The following ZNF705G variants were observed in gnomAD, a reference collection of about 807,000 sequenced individuals.
ZNF705G encodes zinc finger protein 705G, also known as putative zinc finger protein 705G.
A neutral mutation model predicts 19.6 loss-of-function variants in ZNF705G; 23 were observed. The observed-to-expected ratio is 1.17, with a 90% CI of 0.84 to 1.66. ZNF705G has a LOEUF of 1.66. ZNF705G is among the 40% of genes most tolerant of loss of function. The probability of loss-of-function intolerance (pLI) is 0.00; values close to 1 mark genes in which losing one functional copy is unlikely to be tolerated. For missense variants in ZNF705G, 457 were observed against 354.4 expected, an observed-to-expected ratio of 1.29 and a Z score of -2.32; for synonymous variants, 146 against 117.7, an observed-to-expected ratio of 1.24 and a Z score of -1.56.
chr8:7,360,188 C>G, intron 5 of ZNF705G, 49 bp downstream of exon 5: 1 of 1,575,142 alleles, frequency 6.3e-7, no homozygotes, highest in Non-Finnish European at 8.6e-7. Flanking sequence ...TGATATTATT[C>G]ATTGACAAAG....
At chr8:7,371,313 G>C (rs1387654292) in intron 2 of ZNF705G, among the ~76,000 whole-genome samples, 1 of 136,950 alleles carries the variant, frequency 7.3e-6, no homozygotes, top group Non-Finnish European at 1.6e-5. Flanking sequence ...GGGCCGTGGT[G>C]CTGGGGAAAT....
At position 7,358,281 on chromosome 8, in the gene ZNF705G, A is replaced by AT; in HGVS notation, c.597dup (p.Tyr200IlefsTer7). 1 of 1,607,652 alleles carries AT rather than the reference A, an allele frequency of 6.2e-7. No homozygotes were observed. Among genetic ancestry groups the AT allele is most frequent in the South Asian group, 1.1e-5 (1 of 90,718 alleles). ...GCTTTTCTACATAGATGACATGCAT[A>AT]TGGCCTCTCTCCAGTGTGAGTCATC... On this transcript the variant is annotated frameshift_variant, in exon 7 of 7. Coordinates refer to ENST00000400156, the MANE Select transcript of ZNF705G (RefSeq NM_001164457.3). LOFTEE classifies it high-confidence loss of function.
intron 1 of ZNF705G, 147 bp from the exon 2 acceptor site, chr8:7,381,748 T>C (rs879210528): frequency 6.8e-6 from 1 of 147,964 alleles, no homozygotes; most frequent in Non-Finnish European, 1.5e-5. Flanking sequence ...TACTAGAGGG[T>C]GGAGGGAGGA....
chr8:7,365,697 G>A (rs560754225), intron 2 of ZNF705G, among the ~76,000 whole-genome samples: 135 of 149,484 alleles, frequency 9.0e-4, no homozygotes, highest in Non-Finnish European at 4.1e-4. Flanking sequence ...CAAGAGGAAG[G>A]AACCATTCTG....
chr8:7,380,000 C>G (rs1380299641), intron 2 of ZNF705G, among the ~76,000 whole-genome samples: 1 of 141,822 alleles, frequency 7.1e-6, no homozygotes, highest in Non-Finnish European at 1.5e-5. Flanking sequence ...ACAATACCAG[C>G]TGAACTCACC....
rs1266581491 is a variant in ZNF705G at position 7,356,235 on chromosome 8, G to C, written c.*1741C>G. On this transcript the variant is annotated 3_prime_UTR_variant, in exon 7 of 7. Transcript: ENST00000400156. ...GCTTGCAAGGTGGCTGACAGGTTCG[G>C]CTGTTTTATCATGCTGGTGTTTTAT... 1 of 149,444 alleles carries C rather than the reference G, an allele frequency of 6.7e-6. No individual in the cohort carries two copies. The highest frequency in any genetic ancestry group is 1.5e-5 in the Non-Finnish European group (1 of 68,042). The allele number at this position is 149,444 out of a possible 1,614,324, so 9.3% of individuals were successfully genotyped here. A position where few individuals can be genotyped will look rare whatever the true frequency, so the allele number is the denominator to read the frequency against.
At chr8:7,361,273 A>G (rs759414549) in intron 3 of ZNF705G, 37 bp from the exon 4 acceptor site, 2 of 1,592,330 alleles carry the variant, frequency 1.3e-6, no homozygotes, top group South Asian at 2.2e-5. Flanking sequence ...AGACAGAGAA[A>G]TTCCTTTCAA....
intron 2 of ZNF705G, among the ~76,000 whole-genome samples, chr8:7,380,844 A>T (rs1432005390): frequency 7.0e-6 from 1 of 143,300 alleles, no homozygotes; most frequent in Non-Finnish European, 1.5e-5. Flanking sequence ...ACATGGAGAA[A>T]CTCCATCTCT....
At chr8:7,371,695 G>T (rs1807104361) in intron 2 of ZNF705G, among the ~76,000 whole-genome samples, 1 of 87,398 alleles carries the variant, frequency 1.1e-5, no homozygotes, top group African/African-American at 4.0e-5. Flanking sequence ...AAAAGGAGGG[G>T]TAGATGTTCC....
At chr8:7,370,278 A>C (rs1807043917) in intron 2 of ZNF705G, among the ~76,000 whole-genome samples, 1 of 148,812 alleles carries the variant, frequency 6.7e-6, no homozygotes, top group Admixed American at 6.6e-5. Context: ...CTCAAAAAAA[A>C]AAAAATATGC....
chr8:7,363,873 A>G (rs1468487041), intron 2 of ZNF705G, among the ~76,000 whole-genome samples: 1 of 149,438 alleles, frequency 6.7e-6, no homozygotes, highest in Non-Finnish European at 1.5e-5. Flanking sequence ...GATTTATTTC[A>G]CTTAGAGGGT....
intron 6 of ZNF705G, 86 bp downstream of exon 6, chr8:7,359,533 A>T (rs1806470942): frequency 6.3e-7 from 1 of 1,582,270 alleles, no homozygotes. Context: ...GCTTAATTAC[A>T]CTCAGGTGAT....
In ZNF705G at chr8:7,357,840, A is replaced by C; in HGVS notation, c.*136T>G. On this transcript the variant is annotated 3_prime_UTR_variant, in exon 7 of 7. Transcript: ENST00000400156. ...CTAACACCGTGTCATCTAAAGTCAGAATATGTTCTGAAGAAGTTTATAATT... is the reference window on the plus strand; with the variant it reads ...CTAACACCGTGTCATCTAAAGTCAGCATATGTTCTGAAGAAGTTTATAATT... 1 of 1,357,524 alleles carries C rather than the reference A, an allele frequency of 7.4e-7. No individual in the cohort carries two copies. The highest frequency in any genetic ancestry group is 9.8e-7 in the Non-Finnish European group (1 of 1,018,594). The allele number at this position is 1,357,524 out of a possible 1,614,324, so 84.1% of individuals were successfully genotyped here.
In ZNF705G at chr8:7,382,407, C is replaced by G. The variant is rs760263180; in HGVS notation, c.-221-806G>C. 3.1e-3 allele frequency among the ~76,000 whole-genome samples: 447 copies of G among 146,542 alleles called. 4 individuals carry two copies. The highest frequency in any genetic ancestry group is 4.9e-3 in the Non-Finnish European group (336 of 67,932). ...CTGCTTATGGCTCTGAGGTTTGGTG[C>G]CTTTTTTCCCCAGAATAAATTATTA... On this transcript the variant is annotated intron_variant, in intron 1 of 6. Transcript: ENST00000400156.
chr8:7,366,849 A>G (rs1305304057), intron 2 of ZNF705G, among the ~76,000 whole-genome samples: 1 of 149,734 alleles, frequency 6.7e-6, no homozygotes. Flanking sequence ...CTGTGATGAA[A>G]GAAATTCTCT....
At chr8:7,369,196 G>A (rs1166759797) in intron 2 of ZNF705G, among the ~76,000 whole-genome samples, 2 of 149,430 alleles carry the variant, frequency 1.3e-5, no homozygotes, top group Non-Finnish European at 2.9e-5. Context: ...ACAACATGTG[G>A]GAATTATGGG....
In ZNF705G at chr8:7,380,179, G is replaced by A. The variant is rs540760384; in HGVS notation, c.-72+1273C>T. ...GACCACTGACACTGACAGCAATCCT[G>A]GCCCCCAGGAGCAGGGCCACTGCAC... On this transcript the variant is annotated intron_variant, in intron 2 of 6. Coordinates refer to ENST00000400156, the MANE Select transcript of ZNF705G (RefSeq NM_001164457.3). Among the ~76,000 whole-genome samples the A allele has an allele frequency of 3.5e-5, 5 of 142,142 alleles. 1 individual carries two copies. Among genetic ancestry groups the A allele is most frequent in the African/African-American group, 1.2e-4 (4 of 32,928 alleles). The allele number at this position is 142,142 out of a possible 152,430, so 93.3% of individuals were successfully genotyped here.
chr8:7,360,458 G>T, intron 4 of ZNF705G, 126 bp from the exon 5 acceptor site: 1 of 1,448,240 alleles, frequency 6.9e-7, no homozygotes, highest in Non-Finnish European at 9.3e-7. Context: ...ACAAGACCTA[G>T]AACACAGAAA....
chr8:7,361,063 T>A (rs188339105), intron 4 of ZNF705G, 47 bp downstream of exon 4: 1 of 1,592,640 alleles, frequency 6.3e-7, no homozygotes, highest in Non-Finnish European at 8.5e-7. Context: ...ATTGAATGAA[T>A]GAGTGAATGT....
Sources: gnomAD v4.1 joint callset for allele counts (sites outside exome capture counted in the v4.1 genomes callset) on GRCh38, gnomAD v4.1.1 for gene constraint, MANE v1.5 for transcripts, NCBI Gene and HGNC (gene_info 2026-07-23, HGNC 2026-07-21) for gene names.